GIT1: variants seen among roughly 807,000 people sequenced by gnomAD.
GIT1 encodes the protein GIT ArfGAP 1.
In GIT1, 14 loss-of-function variants were observed where a neutral mutation model predicts 91.7. That is an observed-to-expected ratio of 0.15 (90% CI 0.10 to 0.24). The LOEUF (loss-of-function observed/expected upper bound fraction) is 0.24. Among genes scored for constraint, GIT1 ranks in the 10% least tolerant of loss-of-function variants. The pLI, the probability that GIT1 is intolerant of heterozygous loss-of-function variation, is 1.00. For synonymous variants in GIT1, 414 were observed against 418.2 expected, an observed-to-expected ratio of 0.99 and a Z score of 0.12; for missense variants, 717 against 1,024.9, an observed-to-expected ratio of 0.70 and a Z score of 4.10.
intron 1 of GIT1, among the ~76,000 whole-genome samples, chr17:29,588,752 G>A (rs891382749): frequency 5.9e-5 from 9 of 152,308 alleles, no homozygotes; most frequent in African/African-American, 1.9e-4. Context: ...CCGGCAAGGA[G>A]CGCTAGCCTT....
Position 29,578,774 on chromosome 17 carries a change from T to G in GIT1, c.767A>C (p.Asp256Ala). 6.2e-7 allele frequency: 1 copy of G among 1,613,952 alleles called. No homozygotes were observed. Among genetic ancestry groups the G allele is most frequent in the Non-Finnish European group, 8.5e-7 (1 of 1,179,930 alleles). ...AGCAGCTTTGGCCAATTCGGATAAGTCAAGGCTGAGGGCAGAGGGAGATGG... is the reference window on the plus strand; with the variant it reads ...AGCAGCTTTGGCCAATTCGGATAAGGCAAGGCTGAGGGCAGAGGGAGATGG... ...YIIPQMADSLDLSELAKAAKK... is the reference protein window; with the variant it reads ...YIIPQMADSLALSELAKAAKK... Residue 256 changes from aspartate (D) to alanine (A), a missense_variant, in exon 8 of 20, where the codon GAC (aspartate) becomes GCC (alanine). Transcript: ENST00000225394.
chr17:29,578,897 G>T, intron 7 of GIT1, 118 bp from the exon 8 acceptor site: 1 of 1,578,736 alleles, frequency 6.3e-7, no homozygotes, highest in Non-Finnish European at 8.7e-7. Flanking sequence ...CCCAGATGCT[G>T]CACACCAAAT....
chr17:29,576,526 C>T lies in GIT1; in HGVS notation c.1376G>A (p.Arg459Gln), dbSNP rs748242947. 6.8e-5 allele frequency: 109 copies of T among 1,613,718 alleles called. No individual in the cohort carries two copies. Among genetic ancestry groups the T allele is most frequent in the Non-Finnish European group, 8.4e-5 (99 of 1,179,968 alleles). The change falls in exon 13 of 20, where the codon CGA becomes CAA. Residue 459 changes from arginine (R) to glutamine (Q), a missense_variant. Physicochemically the swap from Arg to Gln is conservative, Grantham distance 43. Around this residue, in one of 3 missense-constraint regions of GIT1, gnomAD observed 312 missense variants for 349.5 expected, o/e 0.89. Transcript: ENST00000225394. ...SLSDELRRLQ[R>Q]EIHKLQAENL... ...CCACCGAGGCTGCACCCTCACCTCT[C>T]GCTGCAGCCTCCGGAGCTCGTCGCT...
Position 29,581,315 on chromosome 17 carries a change from AG to A in GIT1, c.761+22del. ...ACATGGCATCCAACAGCCTCTGGAAAGGGGCATCAGGTGGGCACTCACCTGT... is the reference window on the plus strand; with the variant it reads ...ACATGGCATCCAACAGCCTCTGGAAAGGGCATCAGGTGGGCACTCACCTGT... On this transcript the variant is annotated intron_variant, in intron 7 of 19. Coordinates refer to ENST00000225394, the MANE Select transcript of GIT1 (RefSeq NM_014030.4). This position sits in a 1 kb window ranked among gnomAD's most constrained non-coding sequence, Gnocchi z 4.8. 4.4e-6 allele frequency: 7 copies of A among 1,593,850 alleles called. No individual in the cohort carries two copies. The highest frequency in any genetic ancestry group is 6.0e-6 in the Non-Finnish European group (7 of 1,161,868).
chr17:29,581,727 C>T lies in GIT1; in HGVS notation c.718+15G>A. On this transcript the variant is annotated intron_variant, in intron 6 of 19. Transcript: ENST00000225394. This position sits in a 1 kb window ranked among gnomAD's most constrained non-coding sequence, Gnocchi z 4.8. ...CAGGCCTGTCACAGCCAGGCGCCCCCCAAGCTCTGCTCACCCGGCTTGCGT... is the reference window on the plus strand; with the variant it reads ...CAGGCCTGTCACAGCCAGGCGCCCCTCAAGCTCTGCTCACCCGGCTTGCGT... 1.2e-6 allele frequency: 2 copies of T among 1,603,402 alleles called. No homozygotes were observed. Among genetic ancestry groups the T allele is most frequent in the Non-Finnish European group, 1.7e-6 (2 of 1,175,930 alleles).
rs768890171 is a variant in GIT1, at chr17:29,575,269, C to T, written c.2009+19G>A. The T allele has an allele frequency of 1.0e-5, 16 of 1,599,834 alleles. No individual in the cohort carries two copies. The highest frequency in any genetic ancestry group is 1.3e-5 in the African/African-American group (1 of 74,616). On this transcript the variant is annotated intron_variant, in intron 18 of 19. Coordinates refer to ENST00000225394, the MANE Select transcript of GIT1 (RefSeq NM_014030.4). This position sits in a 1 kb window ranked among gnomAD's most constrained non-coding sequence, Gnocchi z 5.5. ...CCAACAGGAACTGCATCCCCCTCAC[C>T]TCCCCCTCCACTCAGTACCTGTCAT...
intron 7 of GIT1, among the ~76,000 whole-genome samples, chr17:29,579,941 C>T (rs2033342405): frequency 6.6e-6 from 1 of 152,148 alleles, no homozygotes; most frequent in Non-Finnish European, 1.5e-5. Flanking sequence ...CCTGCTGATG[C>T]TCTCGGGGCT....
chr17:29,584,959 C>CTTTTTTTTTTTTTT (rs11419578), intron 1 of GIT1, among the ~76,000 whole-genome samples: 1 of 102,416 alleles, frequency 9.8e-6, no homozygotes. Context: ...TGGGTTTAGG[C>CTTTTTTTTTTTTTT]TTTTTTTTTT....
chr17:29,581,319 G>T lies in GIT1; in HGVS notation c.761+19C>A. 2 of 1,594,328 alleles carry T rather than the reference G, an allele frequency of 1.3e-6. No homozygotes were observed. The highest frequency in any genetic ancestry group is 2.2e-5 in the South Asian group (2 of 90,726). ...GGCATCCAACAGCCTCTGGAAAGGG[G>T]CATCAGGTGGGCACTCACCTGTCAG... On this transcript the variant is annotated intron_variant, in intron 7 of 19. Transcript: ENST00000225394. The surrounding 1 kb of genome is among the most constrained non-coding windows in gnomAD (Gnocchi z 4.8).
chr17:29,588,477 A>G (rs2033675304), intron 1 of GIT1, among the ~76,000 whole-genome samples: 1 of 152,104 alleles, frequency 6.6e-6, no homozygotes, highest in Admixed American at 6.5e-5. Flanking sequence ...CCACCATGTA[A>G]ATACAGCCAG....
chr17:29,581,767 G>A lies in GIT1; in HGVS notation c.693C>T (p.Ala231=), dbSNP rs1370248085. 1.2e-6 allele frequency: 2 copies of A among 1,611,400 alleles called. No homozygotes were observed. The highest frequency in any genetic ancestry group is 1.7e-6 in the Non-Finnish European group (2 of 1,179,870). ...ECQYELTDRL[A]FYLCGRKPDH... is the part of the protein sequence containing the mutation. ...CCGGCTTGCGTCCACAGAGGTAGAA[G>A]GCCAGCCGGTCAGTGAGCTCATATT... Residue 231 remains alanine, a synonymous_variant, in exon 6 of 20, where the codon GCC becomes GCT. Transcript: ENST00000225394. The surrounding 1 kb of genome is among the most constrained non-coding windows in gnomAD (Gnocchi z 4.8).
intron 1 of GIT1, chr17:29,583,882 AC>A (rs1239253361): frequency 8.6e-6 from 4 of 464,198 alleles, no homozygotes; most frequent in Non-Finnish European, 1.1e-5. Context: ...TTCAGCAGGC[AC>A]AGTTTCCTGC....
chr17:29,589,580 C>A lies in GIT1; in HGVS notation c.-202G>T, dbSNP rs2033738489. ...TGCCCGCTCGCCCTCGGGCGCCCTC[C>A]GCCCCGCGCCGCCCCGCCGCCGCTC... On this transcript the variant is annotated 5_prime_UTR_variant, in exon 1 of 20. Transcript: ENST00000225394. This position sits in a 1 kb window ranked among gnomAD's most constrained non-coding sequence, Gnocchi z 5.2. The A allele has an allele frequency of 6.8e-6, 1 of 147,050 alleles. No individual in the cohort carries two copies. Among genetic ancestry groups the A allele is most frequent in the African/African-American group, 2.5e-5 (1 of 40,582 alleles). 9.1% of individuals were successfully genotyped at this position (147,050 alleles called of 1,614,324 possible). A position where few individuals can be genotyped will look rare whatever the true frequency, so the allele number is the denominator to read the frequency against.
At position 29,575,450 on chromosome 17, in the gene GIT1, A is replaced by G; in HGVS notation, c.1847T>C (p.Leu616Pro). 7 of 1,609,372 alleles carry G rather than the reference A, an allele frequency of 4.3e-6. No homozygotes were observed. The Admixed American group carries it at 8.4e-5, about 19-fold the overall frequency. Residue 616 changes from leucine to proline, a missense_variant, in exon 18 of 20, where the codon CTA (leucine) becomes CCA (proline). Leu to Pro is a moderately conservative substitution (Grantham distance 98). Transcript: ENST00000225394. The surrounding 1 kb of genome is among the most constrained non-coding windows in gnomAD (Gnocchi z 5.5). ...GAAGTCTTCCTCTTTGCCCAGCTCT[A>G]GAAACCTCTTCCCTTCCAGCCTGAG... is the stretch of plus-strand genomic sequence containing the variant. Reference protein sequence around the residue: ...PLLGLEGKRFLELGKEEDFHP... With the variant: ...PLLGLEGKRFPELGKEEDFHP...
At position 29,575,508 on chromosome 17, in the gene GIT1, T is replaced by C; in HGVS notation, c.1827-38A>G. 6.3e-7 allele frequency: 1 copy of C among 1,582,802 alleles called. No individual in the cohort carries two copies. Among genetic ancestry groups the C allele is most frequent in the Non-Finnish European group, 8.6e-7 (1 of 1,160,682 alleles). On this transcript the variant is annotated intron_variant, in intron 17 of 19. Transcript: ENST00000225394. The surrounding 1 kb of genome is among the most constrained non-coding windows in gnomAD (Gnocchi z 5.5). ...TCCAGAAAACAGAGACAAAGATACA[T>C]ATAGAGAAAGACACGTTCCAGCCTC...
intron 4 of GIT1, 73 bp downstream of exon 4, chr17:29,582,625 G>A: frequency 9.6e-7 from 1 of 1,045,826 alleles, no homozygotes; most frequent in Non-Finnish European, 1.5e-6. Flanking sequence ...TGGGGACAAA[G>A]GAGAGGCCTT....
In GIT1 at chr17:29,581,171, C is replaced by T. The variant is rs2033381849; in HGVS notation, c.761+167G>A. 6.3e-6 allele frequency: 4 copies of T among 631,526 alleles called. No individual in the cohort carries two copies. The highest frequency in any genetic ancestry group is 1.1e-5 in the Non-Finnish European group (4 of 350,500). 39.1% of individuals were successfully genotyped at this position (631,526 alleles called of 1,614,324 possible). A position where few individuals can be genotyped will look rare whatever the true frequency, so the allele number is the denominator to read the frequency against. On this transcript the variant is annotated intron_variant, in intron 7 of 19. Coordinates refer to ENST00000225394, the MANE Select transcript of GIT1 (RefSeq NM_014030.4). The surrounding 1 kb of genome is among the most constrained non-coding windows in gnomAD (Gnocchi z 4.8). ...CACATATGGAGCTGACATTTTTTAC[C>T]TGCCTTGGGGCCCAGCATTAGGGAC...
At chr17:29,582,558 C>T (rs2033437237) in intron 4 of GIT1, 140 bp downstream of exon 4, 2 of 642,868 alleles carry the variant, frequency 3.1e-6, no homozygotes. Context: ...ACAATCTGCT[C>T]TCTCCACCCT....
At chr17:29,578,615 C>T (rs1423848491) in intron 8 of GIT1, 116 bp downstream of exon 8, 1 of 988,110 alleles carries the variant, frequency 1.0e-6, no homozygotes, top group Non-Finnish European at 1.6e-6. Flanking sequence ...AGTGAGGGGA[C>T]AGGTCAAAGA....
Sources: gnomAD v4.1 joint callset for allele counts (sites outside exome capture counted in the v4.1 genomes callset) on GRCh38, gnomAD v4.1.1 for gene constraint, gnomAD v4.1.1 regional missense constraint, Gnocchi (gnomAD v3.1) non-coding constraint, MANE v1.5 for transcripts, NCBI Gene and HGNC (gene_info 2026-07-23, HGNC 2026-07-21) for gene names.